The following KIAA1210 variants were observed in gnomAD, a reference collection of about 807,000 sequenced individuals.
The protein encoded by KIAA1210 is acrosomal protein KIAA1210.
KIAA1210 carries 48 observed loss-of-function variants against 78.9 expected under a neutral mutation model. The observed-to-expected ratio is 0.61, with a 90% CI of 0.48 to 0.77. The LOEUF is 0.77. Ranked by LOEUF, KIAA1210 falls within the 30% of genes least tolerant of loss-of-function variation. KIAA1210 has a pLI of 0.00. For missense variants in KIAA1210, 1,108 were observed against 1,100.0 expected, an observed-to-expected ratio of 1.01 and a Z score of -0.10; for synonymous variants, 406 against 404.5, an observed-to-expected ratio of 1.00 and a Z score of -0.04.
chrX:119,109,237 C>T, intron 3 of KIAA1210, 35 bp from the exon 4 acceptor site: 2 of 1,167,117 alleles, frequency 1.7e-6, no homozygotes, highest in Non-Finnish European at 2.3e-6. Flanking sequence ...AAAAGCAACC[C>T]AAGGGCCATG....
At chrX:119,134,500 A>C (rs16995426) in intron 2 of KIAA1210, among the ~76,000 whole-genome samples, 4,938 of 112,240 alleles carry the variant, frequency 0.044, 279 homozygotes, top group African/African-American at 0.15. Context: ...GCAGCAAGAC[A>C]TACCAGGGAG....
chrX:119,133,033 G>C (rs1028849287), intron 2 of KIAA1210, among the ~76,000 whole-genome samples: 1 of 111,696 alleles, frequency 9.0e-6, no homozygotes, highest in African/African-American at 3.3e-5. Context: ...CTGAGGTGTG[G>C]TAAGGGGAGA....
At chrX:119,149,465 G>A (rs1406079749) in intron 1 of KIAA1210, among the ~76,000 whole-genome samples, 1 of 111,223 alleles carries the variant, frequency 9.0e-6, no homozygotes, top group Non-Finnish European at 1.9e-5. Context: ...CCCATGCAAC[G>A]CTCAGTGATT....
chrX:119,092,911 A>T (rs1927431474), intron 8 of KIAA1210, among the ~76,000 whole-genome samples: 2 of 111,191 alleles, frequency 1.8e-5, no homozygotes. Flanking sequence ...GTGTTTAGGA[A>T]TGTCCTGTCT....
chrX:119,100,119 G>A (rs1284521328), intron 6 of KIAA1210, among the ~76,000 whole-genome samples: 4 of 109,449 alleles, frequency 3.7e-5, no homozygotes, highest in Non-Finnish European at 5.7e-5. Context: ...TCAGGAGATC[G>A]AGACCATCAT....
chrX:119,117,951 CTTA>C (rs769254952), intron 2 of KIAA1210, among the ~76,000 whole-genome samples: 26 of 111,164 alleles, frequency 2.3e-4, no homozygotes, highest in Admixed American at 1.6e-3. Flanking sequence ...CTTTATTGTG[CTTA>C]TTAAGAAACT....
At chrX:119,107,668 G>A (rs990754084) in intron 5 of KIAA1210, among the ~76,000 whole-genome samples, 1 of 111,751 alleles carries the variant, frequency 8.9e-6, no homozygotes, top group Admixed American at 9.5e-5. Flanking sequence ...AGAGATGTGG[G>A]GTCTTAACAG....
chrX:119,107,622 A>G (rs1447927332), intron 5 of KIAA1210, among the ~76,000 whole-genome samples: 2 of 112,465 alleles, frequency 1.8e-5, no homozygotes, highest in Non-Finnish European at 3.8e-5. Context: ...TTTCTCCTCT[A>G]TAGCTAAAGG....
chrX:119,102,503 C>T (rs763758171), intron 6 of KIAA1210, among the ~76,000 whole-genome samples: 10 of 109,746 alleles, frequency 9.1e-5, no homozygotes, highest in Middle Eastern at 4.6e-3. Flanking sequence ...CTCAGCCTCC[C>T]GAGTATCTGG....
chrX:119,146,702 C>A (rs189647974), intron 2 of KIAA1210, among the ~76,000 whole-genome samples: 11 of 111,284 alleles, frequency 9.9e-5, no homozygotes, highest in African/African-American at 3.3e-4. Flanking sequence ...AGGCTGGGGG[C>A]CTGGGAGAGT....
In KIAA1210 at chrX:119,088,025, T is replaced by C; in HGVS notation, c.2677A>G (p.Thr893Ala). 8.3e-7 allele frequency: 1 copy of C among 1,211,336 alleles called. No homozygotes were observed. Among genetic ancestry groups the C allele is most frequent in the Non-Finnish European group, 1.1e-6 (1 of 895,341 alleles). ...ERPKFLDSMS[T>A]SAEWSSPVAP... ...ACAGGACTGCTCCATTCTGCAGAAG[T>C]ACTCATTGAGTCCAGGAACTTAGGC... The change falls in exon 9 of 12, where the codon ACT becomes GCT. Residue 893 changes from threonine to alanine, a missense_variant. Thr to Ala is a moderately conservative substitution (Grantham distance 58). Transcript: ENST00000691062.
chrX:119,126,802 G>A (rs1928659978), intron 1 of KIAA1210, among the ~76,000 whole-genome samples: 1 of 112,530 alleles, frequency 8.9e-6, no homozygotes, highest in Non-Finnish European at 1.9e-5. Context: ...TGGACACAGT[G>A]GCTCACACCT....
intron 2 of KIAA1210, among the ~76,000 whole-genome samples, chrX:119,121,240 C>T (rs1395305438): frequency 9.0e-6 from 1 of 111,663 alleles, no homozygotes; most frequent in Non-Finnish European, 1.9e-5. Context: ...GCAGCTAAGC[C>T]CTCCACAGGC....
chrX:119,113,484 G>A (rs993807841), intron 3 of KIAA1210, among the ~76,000 whole-genome samples: 1 of 111,741 alleles, frequency 8.9e-6, no homozygotes, highest in Non-Finnish European at 1.9e-5. Flanking sequence ...CATGGGAAAT[G>A]TTCCCAATAG....
Position 119,085,472 on chromosome X carries a change from TCTG to T in KIAA1210, c.4228_4230del (p.Gln1410del), listed in dbSNP as rs748061819. 8 of 1,210,173 alleles carry T rather than the reference TCTG, an allele frequency of 6.6e-6. No homozygotes were observed. Among genetic ancestry groups the T allele is most frequent in the Non-Finnish European group, 8.9e-6 (8 of 894,974 alleles). ...ACAGAAATGTGGGCCTTGAAACTCTTCTGCTTCTGCTTTGCCATAGTTATCCAA... is the reference window on the plus strand; with the variant it reads ...ACAGAAATGTGGGCCTTGAAACTCTTCTTCTGCTTTGCCATAGTTATCCAA... On this transcript the variant is annotated inframe_deletion, in exon 10 of 12. Transcript: ENST00000691062.
chrX:119,139,965 C>T (rs1929009623), intron 2 of KIAA1210, among the ~76,000 whole-genome samples: 1 of 111,640 alleles, frequency 9.0e-6, no homozygotes, highest in South Asian at 3.8e-4. Flanking sequence ...TCCGTTTACT[C>T]CCCTAAGGAG....
Position 119,116,543 on chromosome X carries a change from G to A in KIAA1210, c.183C>T (p.Asn61=), listed in dbSNP as rs1377595446. 2.5e-6 allele frequency: 3 copies of A among 1,211,779 alleles called. No individual in the cohort carries two copies. Among genetic ancestry groups the A allele is most frequent in the Non-Finnish European group, 3.4e-6 (3 of 895,278 alleles). The change falls in exon 3 of 12, where the codon AAC becomes AAT. Residue 61 remains asparagine, a synonymous_variant. Transcript: ENST00000691062. The stretch of plus-strand genomic sequence containing the variant: ...CCCGAACGGGCTGCAGAGAAGAGAT[G>A]TTAATGTTGCTGCTGGACAAGCTCA... ...LELSLSSSNI[N]ISSLQPVREN...
At chrX:119,148,765 G>A (rs756673566) in intron 1 of KIAA1210, among the ~76,000 whole-genome samples, 1 of 111,282 alleles carries the variant, frequency 9.0e-6, no homozygotes, top group Non-Finnish European at 1.9e-5. Flanking sequence ...ATGGAGTCAA[G>A]GCCCACAAGA....
intron 2 of KIAA1210, among the ~76,000 whole-genome samples, chrX:119,122,673 A>G (rs1928504927): frequency 8.9e-6 from 1 of 111,957 alleles, no homozygotes; most frequent in African/African-American, 3.2e-5. Flanking sequence ...TCATTCATTC[A>G]TTAAATATTT....
Sources: allele counts gnomAD v4.1 joint callset (sites outside exome capture counted in the v4.1 genomes callset), GRCh38; gene constraint gnomAD v4.1.1; transcripts MANE v1.5; gene names NCBI Gene and HGNC (gene_info 2026-07-23, HGNC 2026-07-21).